The following CDC42BPB variants were observed in gnomAD, a reference collection of about 807,000 sequenced individuals.
The protein encoded by CDC42BPB is serine/threonine-protein kinase MRCK beta.
Under a neutral mutation model 214.9 loss-of-function variants are expected in CDC42BPB, and 37 were observed. That is an observed-to-expected ratio of 0.17 (90% confidence interval 0.13 to 0.23). The LOEUF is 0.23. Among genes scored for constraint, CDC42BPB ranks in the 10% least tolerant of loss-of-function variants. The pLI, the probability that CDC42BPB is intolerant of heterozygous loss-of-function variation, is 1.00. For synonymous variants in CDC42BPB, 931 were observed against 884.0 expected, an observed-to-expected ratio of 1.05 and a Z score of -0.94; for missense variants, 1,694 against 2,227.0, an observed-to-expected ratio of 0.76 and a Z score of 4.82.
Position 103,044,365 on chromosome 14 carries a change from CCTT to C in CDC42BPB, c.175+12631_175+12633del, listed in dbSNP as rs1335502466. On this transcript the variant is annotated intron_variant, in intron 1 of 36. Transcript: ENST00000361246. ...CAGGTGCACACCAACACAGCCGGCA[CCTT>C]TTTTTTTTTTTTTTTTTTTGAGACA... Among the ~76,000 whole-genome samples the C allele has an allele frequency of 3.3e-3, 481 of 146,634 alleles. 1 individual carries two copies. Among genetic ancestry groups the C allele is most frequent in the African/African-American group, 0.012 (448 of 38,830 alleles).
chr14:102,972,267 C>T lies in CDC42BPB; in HGVS notation c.1642-106G>A. 9 of 1,541,824 alleles carry T rather than the reference C, an allele frequency of 5.8e-6. No homozygotes were observed. The South Asian group carries it at 1.0e-4, about 18-fold the overall frequency. ...GAGGAGTTAAAAGCGACAGCCAATG[C>T]TGGTTACAGATTAGAGCCACAGATC... On this transcript the variant is annotated intron_variant, in intron 12 of 36. Transcript: ENST00000361246.
At chr14:103,041,322 C>T (rs1046291686) in intron 1 of CDC42BPB, 3 of 447,982 alleles carry the variant, frequency 6.7e-6, no homozygotes, top group Non-Finnish European at 1.2e-5. Context: ...CTAAAAAACT[C>T]TTAGAAGAAA....
intron 34 of CDC42BPB, among the ~76,000 whole-genome samples, chr14:102,939,124 A>G (rs952502588): frequency 3.3e-4 from 50 of 152,160 alleles, no homozygotes; most frequent in Non-Finnish European, 6.9e-4. Context: ...TATTTTTAGT[A>G]GAGACAGGGT....
At chr14:102,992,290 G>C (rs1185150714) in intron 5 of CDC42BPB, among the ~76,000 whole-genome samples, 1 of 152,178 alleles carries the variant, frequency 6.6e-6, no homozygotes, top group Non-Finnish European at 1.5e-5. Flanking sequence ...CAACTGAAAT[G>C]GACTTTAAAG....
At chr14:103,013,073 T>C (rs1026646272) in intron 1 of CDC42BPB, among the ~76,000 whole-genome samples, 1 of 152,202 alleles carries the variant, frequency 6.6e-6, no homozygotes, top group African/African-American at 2.4e-5. Context: ...GTATCTATCA[T>C]AGCAAACATC....
chr14:103,038,722 G>GGT, intron 1 of CDC42BPB, among the ~76,000 whole-genome samples: 1 of 116,026 alleles, frequency 8.6e-6, no homozygotes. Flanking sequence ...AGACGGGGGG[G>GGT]GGGGGCGGGT....
intron 13 of CDC42BPB, 25 bp from the exon 14 acceptor site, chr14:102,970,286 A>G (rs957529194): frequency 6.3e-7 from 1 of 1,594,614 alleles, no homozygotes; most frequent in Non-Finnish European, 8.6e-7. Flanking sequence ...TCCAGTTTCT[A>G]TTAACAAAAA....
intron 5 of CDC42BPB, among the ~76,000 whole-genome samples, chr14:102,987,637 C>T (rs538149325): frequency 1.3e-5 from 2 of 152,182 alleles, no homozygotes; most frequent in South Asian, 2.1e-4. Context: ...TAATTCTTAC[C>T]TCAAAACCAG....
intron 36 of CDC42BPB, 154 bp from the exon 37 acceptor site, chr14:102,933,997 T>C (rs763453567): frequency 5.7e-5 from 78 of 1,379,550 alleles, no homozygotes; most frequent in Non-Finnish European, 7.2e-5. Context: ...CACCAGCGAT[T>C]CGTGGGGCCC....
chr14:102,980,235 C>T (rs1309000446), intron 8 of CDC42BPB, among the ~76,000 whole-genome samples: 1 of 152,230 alleles, frequency 6.6e-6, no homozygotes, highest in Non-Finnish European at 1.5e-5. Context: ...TGGCTCACGC[C>T]TATAATCCCA....
In CDC42BPB at chr14:102,944,564, A is replaced by T. The variant is rs1275564916; in HGVS notation, c.3812-77T>A. 5 of 1,542,334 alleles carry T rather than the reference A, an allele frequency of 3.2e-6. No homozygotes were observed. The highest frequency in any genetic ancestry group is 3.5e-6 in the Non-Finnish European group (4 of 1,145,242). On this transcript the variant is annotated intron_variant, in intron 29 of 36. Transcript: ENST00000361246. The surrounding 1 kb of genome is among the most constrained non-coding windows in gnomAD (Gnocchi z 6.6). ...CAGGGGCTGACGGCCTTGGCTAAAGACTTGCCTGGAACACTCTGGGGCCCT... is the reference window on the plus strand; with the variant it reads ...CAGGGGCTGACGGCCTTGGCTAAAGTCTTGCCTGGAACACTCTGGGGCCCT...
chr14:103,000,395 C>T (rs555267581), intron 4 of CDC42BPB, among the ~76,000 whole-genome samples: 1 of 152,384 alleles, frequency 6.6e-6, no homozygotes, highest in African/African-American at 2.4e-5. Context: ...CAGCCTGTCT[C>T]TTGCAGCACT....
chr14:102,941,123 A>G, intron 30 of CDC42BPB: 2 of 985,436 alleles, frequency 2.0e-6, no homozygotes, highest in Non-Finnish European at 2.4e-6. Flanking sequence ...TCTTCCGCTC[A>G]GTCCCTCTGT....
Position 103,057,169 on chromosome 14 carries a change from G to C in CDC42BPB, c.5C>G (p.Ser2Trp). The C allele has an allele frequency of 6.9e-7, 1 of 1,454,850 alleles. No homozygotes were observed. Among genetic ancestry groups the C allele is most frequent in the Non-Finnish European group, 9.1e-7 (1 of 1,104,318 alleles). 90.1% of individuals were successfully genotyped at this position (1,454,850 alleles called of 1,614,324 possible). The change falls in exon 1 of 37, where the codon TCG becomes TGG. Residue 2 changes from serine (S) to tryptophan (W), a missense_variant. Physicochemically the swap from Ser to Trp is radical, Grantham distance 177 (BLOSUM62 -3). Around this residue, in one of 7 missense-constraint regions of CDC42BPB, gnomAD observed 83 missense variants for 79.9 expected, o/e 1.04. Transcript: ENST00000361246. M[S>W]AKVRLKKLEQ... Reference sequence around the variant, plus strand: ...CAGCTTCTTGAGCCGCACCTTGGCCGACATGGTGCCGCGCGGCCCGCTCCC... The same window carrying C: ...CAGCTTCTTGAGCCGCACCTTGGCCCACATGGTGCCGCGCGGCCCGCTCCC...
At chr14:102,967,207 C>T (rs1196595349) in intron 16 of CDC42BPB, 37 bp from the exon 17 acceptor site, 12 of 1,590,902 alleles carry the variant, frequency 7.5e-6, no homozygotes, top group East Asian at 2.3e-5. Context: ...ACTTGTTAAT[C>T]GGGCATCCTT....
intron 30 of CDC42BPB, 121 bp from the exon 31 acceptor site, chr14:102,940,445 G>C: frequency 6.7e-7 from 1 of 1,494,236 alleles, no homozygotes; most frequent in South Asian, 1.3e-5. Flanking sequence ...GCCCTCAGCT[G>C]GTTCACGTCA....
intron 29 of CDC42BPB, chr14:102,945,131 C>T (rs1337786088): frequency 2.4e-6 from 1 of 413,764 alleles, no homozygotes; most frequent in Non-Finnish European, 4.9e-6. Flanking sequence ...ACGGCCATCA[C>T]ATGCAGAGAT....
At chr14:102,970,987 G>C (rs879812694) in intron 13 of CDC42BPB, among the ~76,000 whole-genome samples, 6 of 152,184 alleles carry the variant, frequency 3.9e-5, no homozygotes, top group Non-Finnish European at 8.8e-5. Context: ...CTTACAATAT[G>C]TCAACCATTC....
At chr14:102,973,597 C>A (rs1893585370) in intron 12 of CDC42BPB, among the ~76,000 whole-genome samples, 1 of 152,034 alleles carries the variant, frequency 6.6e-6, no homozygotes, top group Admixed American at 6.5e-5. Context: ...CGTGTGTTGC[C>A]ACAGCCACCA....
Sources: gnomAD v4.1 joint callset for allele counts (sites outside exome capture counted in the v4.1 genomes callset) on GRCh38, gnomAD v4.1.1 for gene constraint, gnomAD v4.1.1 regional missense constraint, Gnocchi (gnomAD v3.1) non-coding constraint, MANE v1.5 for transcripts, NCBI Gene and HGNC (gene_info 2026-07-23, HGNC 2026-07-21) for gene names.